ZCWPW1: variants seen among roughly 807,000 people sequenced by gnomAD.
ZCWPW1 encodes zinc finger CW-type and PWWP domain containing 1, also known as zinc finger CW-type PWWP domain protein 1.
Under a neutral mutation model 81.3 loss-of-function variants are expected in ZCWPW1, and 56 were observed. That is an observed-to-expected ratio of 0.69 (90% confidence interval 0.56 to 0.86). The LOEUF is 0.86. ZCWPW1 is among the 40% of genes least tolerant of loss of function. ZCWPW1 has a pLI of 0.00. For synonymous variants in ZCWPW1, 250 were observed against 273.7 expected (o/e 0.91, Z 0.86); for missense variants, 650 against 769.8 (o/e 0.84, Z 1.84).
intron 8 of ZCWPW1, among the ~76,000 whole-genome samples, chr7:100,415,452 C>T (rs560542813): frequency 6.6e-6 from 1 of 152,262 alleles, no homozygotes; most frequent in East Asian, 1.9e-4. Context: ...AGTGTCTACT[C>T]TTCAACCAGC....
chr7:100,414,472 G>C (rs908302556), intron 8 of ZCWPW1, among the ~76,000 whole-genome samples: 1 of 152,134 alleles, frequency 6.6e-6, no homozygotes, highest in African/African-American at 2.4e-5. Flanking sequence ...CTGGAGGGCA[G>C]TGGCACAATC....
At chr7:100,420,789 G>A in intron 2 of ZCWPW1, 111 bp from the exon 3 acceptor site, 1 of 998,680 alleles carries the variant, frequency 1.0e-6, no homozygotes, top group Non-Finnish European at 1.5e-6. Context: ...CTAGGTTTCT[G>A]CATTCTTGAC....
At chr7:100,412,884 T>G (rs564371141) in intron 8 of ZCWPW1, among the ~76,000 whole-genome samples, 3 of 152,204 alleles carry the variant, frequency 2.0e-5, no homozygotes, top group African/African-American at 7.2e-5. Flanking sequence ...CCCAGCCTTA[T>G]TTTTTAAATA....
chr7:100,402,247 T>C, intron 16 of ZCWPW1: 1 of 806,790 alleles, frequency 1.2e-6, no homozygotes, highest in Non-Finnish European at 2.1e-6. Context: ...TTCTTCTCTT[T>C]ACAGTTCTCC....
chr7:100,423,628 G>A (rs756572679), intron 2 of ZCWPW1, among the ~76,000 whole-genome samples: 14 of 152,088 alleles, frequency 9.2e-5, no homozygotes, highest in Non-Finnish European at 1.8e-4. Context: ...ATATTAAGGG[G>A]CACATTTTCT....
chr7:100,404,899 G>A (rs1792663763), intron 13 of ZCWPW1, 114 bp downstream of exon 13: 1 of 1,016,592 alleles, frequency 9.8e-7, no homozygotes, highest in Non-Finnish European at 1.4e-6. Context: ...AACCTGAAGT[G>A]AAATATAGAG....
chr7:100,414,988 G>A (rs1265198027), intron 8 of ZCWPW1, among the ~76,000 whole-genome samples: 1 of 145,944 alleles, frequency 6.9e-6, no homozygotes, highest in African/African-American at 2.5e-5. Context: ...TCGCGCCACC[G>A]CACTCCAGCC....
chr7:100,411,779 A>C (rs1398380091), intron 8 of ZCWPW1, among the ~76,000 whole-genome samples: 2 of 152,178 alleles, frequency 1.3e-5, no homozygotes, highest in Non-Finnish European at 2.9e-5. Flanking sequence ...TACTCATAAG[A>C]AAATGAGTAG....
chr7:100,416,644 ATC>A (rs1795269333), intron 6 of ZCWPW1, among the ~76,000 whole-genome samples, 188 bp from the exon 7 acceptor site: 1 of 152,176 alleles, frequency 6.6e-6, no homozygotes, highest in Non-Finnish European at 1.5e-5. Flanking sequence ...GCTGAGAGAA[ATC>A]TATAGAAATA....
chr7:100,409,490 C>T lies in ZCWPW1; in HGVS notation c.809G>A (p.Arg270Gln), dbSNP rs368847049. The T allele has an allele frequency of 5.0e-6, 8 of 1,614,130 alleles. No individual in the cohort carries two copies. The highest frequency in any genetic ancestry group is 3.3e-5 in the South Asian group (3 of 91,080). The change falls in exon 9 of 18, where the codon CGG becomes CAG. Residue 270 changes from arginine (R) to glutamine (Q), a missense_variant. Coordinates refer to ENST00000684423, the MANE Select transcript of ZCWPW1 (RefSeq NM_001386010.1). ...CSFPNCGKWR[R>Q]LCGNIDPSVL... is the part of the protein sequence containing the mutation. ...TGAGGGGTCAATGTTCCCACACAGCCGCCTCCATTTCCCACAGTTTGGGAA... is the reference window on the plus strand; with the variant it reads ...TGAGGGGTCAATGTTCCCACACAGCTGCCTCCATTTCCCACAGTTTGGGAA...
intron 10 of ZCWPW1, among the ~76,000 whole-genome samples, chr7:100,407,794 T>C (rs1793359729): frequency 6.6e-6 from 1 of 152,144 alleles, no homozygotes; most frequent in Admixed American, 6.6e-5. Context: ...GTGACTTCCA[T>C]CGATGCACAC....
chr7:100,413,625 C>G (rs1794639823), intron 8 of ZCWPW1, among the ~76,000 whole-genome samples: 1 of 152,240 alleles, frequency 6.6e-6, no homozygotes, highest in African/African-American at 2.4e-5. Flanking sequence ...TTATTTATAG[C>G]AGGAGGCTAA....
Position 100,414,264 on chromosome 7 carries a change from C to T in ZCWPW1, c.754+1711G>A, listed in dbSNP as rs1238448938. Among the ~76,000 whole-genome samples, 3 of 152,278 alleles carry T rather than the reference C, an allele frequency of 2.0e-5. No homozygotes were observed. In the East Asian group the frequency reaches 5.8e-4, roughly 29 times the overall value. On this transcript the variant is annotated intron_variant, in intron 8 of 17. Coordinates refer to ENST00000684423, the MANE Select transcript of ZCWPW1 (RefSeq NM_001386010.1). ...GCAAACTATATTATGCTTCCACAAC[C>T]AAAACCACATATATGTACACATACA...
intron 13 of ZCWPW1, among the ~76,000 whole-genome samples, chr7:100,404,746 C>T (rs930095375): frequency 1.3e-5 from 2 of 152,070 alleles, no homozygotes; most frequent in Non-Finnish European, 1.5e-5. Flanking sequence ...TCTCTATTTC[C>T]AGTTTGTTTC....
At chr7:100,410,843 C>T (rs1794015307) in intron 8 of ZCWPW1, among the ~76,000 whole-genome samples, 1 of 152,212 alleles carries the variant, frequency 6.6e-6, no homozygotes, top group Non-Finnish European at 1.5e-5. Flanking sequence ...CACTACCATC[C>T]TCTCCATCTG....
At chr7:100,416,979 C>CCAGA (rs1232756653) in intron 6 of ZCWPW1, 87 bp downstream of exon 6, 5 of 972,190 alleles carry the variant, frequency 5.1e-6, no homozygotes, top group Non-Finnish European at 7.9e-6. Context: ...TGATAAATGA[C>CCAGA]CAGATAGACA....
intron 17 of ZCWPW1, 63 bp from the exon 18 acceptor site, chr7:100,401,399 G>A (rs1206879873): frequency 4.4e-6 from 6 of 1,354,620 alleles, no homozygotes; most frequent in Non-Finnish European, 6.0e-6. Context: ...CCTTTTATAA[G>A]TCAAACTCCT....
At position 100,404,086 on chromosome 7, in the gene ZCWPW1, A is replaced by G. The variant is rs574204185; in HGVS notation, c.1321+92T>C. ...AAGAATCCAGAATTAGCCTGATGATAGAGAATATAAAATAAAGAAAAACAT... is the reference window on the plus strand; with the variant it reads ...AAGAATCCAGAATTAGCCTGATGATGGAGAATATAAAATAAAGAAAAACAT... On this transcript the variant is annotated intron_variant, in intron 14 of 17. Coordinates refer to ENST00000684423, the MANE Select transcript of ZCWPW1 (RefSeq NM_001386010.1). 7 of 1,329,372 alleles carry G rather than the reference A, an allele frequency of 5.3e-6. No individual in the cohort carries two copies. In the African/African-American group the frequency reaches 8.9e-5, roughly 17 times the overall value. 82.3% of individuals were successfully genotyped at this position (1,329,372 alleles called of 1,614,324 possible).
At chr7:100,405,218 A>G in intron 12 of ZCWPW1, 125 bp from the exon 13 acceptor site, 1 of 797,632 alleles carries the variant, frequency 1.3e-6, no homozygotes, top group African/African-American at 1.7e-5. Flanking sequence ...TCACGAGGTC[A>G]GGAGTTCAAC....
Sources: gnomAD v4.1 joint callset for allele counts (sites outside exome capture counted in the v4.1 genomes callset) on GRCh38, gnomAD v4.1.1 for gene constraint, MANE v1.5 for transcripts, NCBI Gene and HGNC (gene_info 2026-07-23, HGNC 2026-07-21) for gene names.